TNNI3K: variants seen among roughly 807,000 people sequenced by gnomAD.
TNNI3K encodes serine/threonine-protein kinase TNNI3K.
TNNI3K carries 140 observed loss-of-function variants against 114.5 expected under a neutral mutation model. The observed-to-expected ratio is 1.22, with a 90% CI of 1.07 to 1.41. The LOEUF is 1.41. TNNI3K is among the 40% of genes most tolerant of loss of function. The pLI is 0.00. For missense variants in TNNI3K, 1,125 were observed against 1,007.6 expected, an observed-to-expected ratio of 1.12 and a Z score of -1.58; for synonymous variants, 347 against 347.5, an observed-to-expected ratio of 1.00 and a Z score of 0.02.
chr1:74,258,220 C>T (rs1272679029), intron 4 of TNNI3K, among the ~76,000 whole-genome samples: 1 of 152,120 alleles, frequency 6.6e-6, no homozygotes, highest in African/African-American at 2.4e-5. Context: ...CTTGTGCAGC[C>T]CAGCTCAACA....
intron 23 of TNNI3K, among the ~76,000 whole-genome samples, chr1:74,526,719 A>G (rs1168055933): frequency 2.0e-5 from 3 of 152,216 alleles, no homozygotes; most frequent in Non-Finnish European, 4.4e-5. Flanking sequence ...TGAAAATCTA[A>G]GATGAATGGA....
At chr1:74,340,268 G>T (rs1660686919) in intron 7 of TNNI3K, among the ~76,000 whole-genome samples, 3 of 151,972 alleles carry the variant, frequency 2.0e-5, no homozygotes, top group Admixed American at 2.0e-4. Context: ...CAGAGCACCA[G>T]GAACTAGATA....
At chr1:74,446,618 G>T (rs1436127485) in intron 20 of TNNI3K, among the ~76,000 whole-genome samples, 1 of 150,484 alleles carries the variant, frequency 6.6e-6, no homozygotes, top group Non-Finnish European at 1.5e-5. Context: ...CCTTGCCCAT[G>T]CCTATGTCCT....
chr1:74,352,168 G>C (rs2100473042), intron 9 of TNNI3K, among the ~76,000 whole-genome samples: 1 of 152,258 alleles, frequency 6.6e-6, no homozygotes, highest in South Asian at 2.1e-4. Context: ...CTTTCTGTTT[G>C]TTAGTTTTCC....
intron 21 of TNNI3K, 83 bp downstream of exon 21, chr1:74,463,633 G>T: frequency 2.0e-6 from 3 of 1,500,432 alleles, no homozygotes; most frequent in Non-Finnish European, 2.8e-6. Context: ...TCTACTTTCA[G>T]TGTGTATTTT....
At chr1:74,530,722 AG>A (rs1310098750) in intron 23 of TNNI3K, among the ~76,000 whole-genome samples, 3 of 118,232 alleles carry the variant, frequency 2.5e-5, no homozygotes, top group African/African-American at 3.8e-5. Context: ...GAACTCAAAA[AG>A]TTTTTTTTTT....
intron 17 of TNNI3K, among the ~76,000 whole-genome samples, chr1:74,420,169 C>A (rs184027509): frequency 2.0e-5 from 3 of 152,124 alleles, no homozygotes; most frequent in South Asian, 2.1e-4. Flanking sequence ...AGGTAGAAAT[C>A]TGCGTAGTAA....
intron 5 of TNNI3K, among the ~76,000 whole-genome samples, chr1:74,325,846 T>G (rs891407099): frequency 3.9e-5 from 6 of 152,336 alleles, no homozygotes; most frequent in South Asian, 2.1e-4. Context: ...CTAAATCAAC[T>G]TTCATGCTAA....
chr1:74,246,581 A>G (rs1363828474), intron 2 of TNNI3K, among the ~76,000 whole-genome samples: 3 of 151,946 alleles, frequency 2.0e-5, no homozygotes, highest in Non-Finnish European at 4.4e-5. Context: ...AACCACAAGA[A>G]AAAAAAACAA....
chr1:74,393,232 T>C (rs1030219409), intron 17 of TNNI3K, among the ~76,000 whole-genome samples: 2 of 151,994 alleles, frequency 1.3e-5, no homozygotes, highest in South Asian at 4.2e-4. Flanking sequence ...GACAGGAATA[T>C]TGAGTTAGTT....
chr1:74,476,187 A>G (rs535124733), intron 21 of TNNI3K, among the ~76,000 whole-genome samples: 1 of 152,128 alleles, frequency 6.6e-6, no homozygotes, highest in Non-Finnish European at 1.5e-5. Flanking sequence ...TTCTAATCTC[A>G]GACTGCCTGG....
chr1:74,418,037 A>G, intron 17 of TNNI3K: 1 of 295,426 alleles, frequency 3.4e-6, no homozygotes, highest in Non-Finnish European at 6.8e-6. Context: ...CCAGCCTAGA[A>G]TTTTATTTCA....
chr1:74,296,883 A>G (rs1340519741), intron 5 of TNNI3K, among the ~76,000 whole-genome samples: 1 of 152,144 alleles, frequency 6.6e-6, no homozygotes, highest in Non-Finnish European at 1.5e-5. Flanking sequence ...CAGTTTTACC[A>G]TGATATTCCC....
chr1:74,411,120 C>A (rs1664858698), intron 17 of TNNI3K, among the ~76,000 whole-genome samples: 1 of 152,088 alleles, frequency 6.6e-6, no homozygotes. Flanking sequence ...TGCACAGCAT[C>A]ACTGGTTTTA....
chr1:74,428,551 T>C (rs1230239410), intron 17 of TNNI3K, among the ~76,000 whole-genome samples: 1 of 152,100 alleles, frequency 6.6e-6, no homozygotes, highest in Non-Finnish European at 1.5e-5. Flanking sequence ...TTCCATAGGC[T>C]TCATTTATCT....
chr1:74,245,709 C>T (rs764305777), intron 2 of TNNI3K, among the ~76,000 whole-genome samples: 5 of 152,122 alleles, frequency 3.3e-5, no homozygotes, highest in Non-Finnish European at 5.9e-5. Context: ...TGCTATTCTC[C>T]AGGGTACTGC....
At chr1:74,309,040 C>A (rs1250518102) in intron 5 of TNNI3K, among the ~76,000 whole-genome samples, 2 of 151,980 alleles carry the variant, frequency 1.3e-5, no homozygotes, top group Non-Finnish European at 2.9e-5. Context: ...AGCACTGGAC[C>A]AGACAGATTC....
chr1:74,528,595 G>C (rs932604440), intron 23 of TNNI3K, among the ~76,000 whole-genome samples: 1 of 152,210 alleles, frequency 6.6e-6, no homozygotes, highest in East Asian at 1.9e-4. Context: ...GTTTCTCACT[G>C]TCAGAGAATG....
chr1:74,368,221 T>A (rs1466049182), intron 13 of TNNI3K, among the ~76,000 whole-genome samples: 1 of 151,862 alleles, frequency 6.6e-6, no homozygotes, highest in Non-Finnish European at 1.5e-5. Flanking sequence ...TAGATGTTTC[T>A]GTTTTTTATA....
Sources: gnomAD v4.1 joint callset for allele counts (sites outside exome capture counted in the v4.1 genomes callset) on GRCh38, gnomAD v4.1.1 for gene constraint, MANE v1.5 for transcripts, NCBI Gene and HGNC (gene_info 2026-07-23, HGNC 2026-07-21) for gene names.